Variants in ADGRL3 observed in about 807,000 individuals in gnomAD.
The protein encoded by ADGRL3 is adhesion G protein-coupled receptor L3.
In ADGRL3, 62 loss-of-function variants were observed where a neutral mutation model predicts 153.5. That is an observed-to-expected ratio of 0.40 (90% confidence interval 0.33 to 0.50). The LOEUF is 0.50. Among genes scored for constraint, ADGRL3 ranks in the 20% least tolerant of loss-of-function variants. The pLI is 0.47. For missense variants in ADGRL3, 1,641 were observed against 1,859.4 expected (o/e 0.88, Z 2.16); for synonymous variants, 710 against 672.5 (o/e 1.06, Z -0.86).
In ADGRL3 at chr4:61,551,721, C is replaced by A. The variant is rs73215823; in HGVS notation, c.259+34203C>A. 7.6e-3 allele frequency among the ~76,000 whole-genome samples: 1,150 copies of A among 152,212 alleles called. 11 individuals are homozygous for A. Among genetic ancestry groups the A allele is most frequent in the African/African-American group, 0.027 (1,109 of 41,538 alleles). On this transcript the variant is annotated intron_variant, in intron 4 of 26. Coordinates refer to ENST00000683033, the MANE Select transcript of ADGRL3 (RefSeq NM_001387552.1). ...CATTCATCTCAAACAAACATAGTCA[C>A]AACTGAATTTCTGCAAGGAATCACA...
chr4:61,416,745 G>A (rs2097148919), intron 2 of ADGRL3, among the ~76,000 whole-genome samples: 1 of 152,176 alleles, frequency 6.6e-6, no homozygotes, highest in Admixed American at 6.5e-5. Flanking sequence ...TTTTGTGGAA[G>A]ACAGTTTTTT....
At chr4:61,913,902 C>A (rs1462096629) in intron 13 of ADGRL3, among the ~76,000 whole-genome samples, 1 of 151,972 alleles carries the variant, frequency 6.6e-6, no homozygotes, top group East Asian at 1.9e-4. Context: ...CAGCTATAAT[C>A]ATTTGCTTAA....
At chr4:61,223,626 T>A (rs557029575) in intron 1 of ADGRL3, among the ~76,000 whole-genome samples, 1 of 152,352 alleles carries the variant, frequency 6.6e-6, no homozygotes, top group East Asian at 1.9e-4. Flanking sequence ...ACAACCTATA[T>A]TTGATTTTTA....
intron 8 of ADGRL3, among the ~76,000 whole-genome samples, chr4:61,779,533 C>G (rs1161460961): frequency 8.9e-5 from 13 of 146,362 alleles, no homozygotes; most frequent in African/African-American, 3.0e-4. Context: ...ACTCAGGAGG[C>G]TGATGCACGA....
chr4:61,642,428 G>A (rs1396564773), intron 5 of ADGRL3, among the ~76,000 whole-genome samples: 2 of 152,100 alleles, frequency 1.3e-5, no homozygotes, highest in African/African-American at 2.4e-5. Context: ...TAGGTCCAAG[G>A]TTTAAGTCTT....
chr4:61,978,298 A>G (rs535966077), intron 17 of ADGRL3, among the ~76,000 whole-genome samples: 57 of 151,742 alleles, frequency 3.8e-4, no homozygotes, highest in African/African-American at 1.1e-3. Context: ...TTTTGCAAAA[A>G]TGCTGTCATA....
chr4:61,876,102 G>GTT (rs33949547), intron 9 of ADGRL3, among the ~76,000 whole-genome samples: 7,341 of 151,016 alleles, frequency 0.049, 239 homozygotes, highest in Non-Finnish European at 0.077. Flanking sequence ...TCATCAAATA[G>GTT]TTTTTTTTTC....
At chr4:61,537,283 G>A (rs551691675) in intron 4 of ADGRL3, among the ~76,000 whole-genome samples, 42 of 151,562 alleles carry the variant, frequency 2.8e-4, no homozygotes, top group Non-Finnish European at 6.0e-4. Context: ...CTTAATAAGT[G>A]ATTTACCCTT....
chr4:61,389,591 T>C (rs981714183), intron 2 of ADGRL3, among the ~76,000 whole-genome samples: 2 of 150,574 alleles, frequency 1.3e-5, no homozygotes, highest in African/African-American at 4.9e-5. Context: ...TTTTACCCCT[T>C]TTTTTTATAG....
At position 61,597,826 on chromosome 4, in the gene ADGRL3, T is replaced by A. The variant is rs142823749; in HGVS notation, c.473+10386T>A. On this transcript the variant is annotated intron_variant, in intron 5 of 26. Transcript: ENST00000683033. ...TACTTAGACACTCATTTTTATCTTC[T>A]TTCTCTCTCCAAACCACAAATATCT... Among the ~76,000 whole-genome samples, 631 of 152,210 alleles carry A rather than the reference T, an allele frequency of 4.1e-3. 3 individuals carry two copies. The highest frequency in any genetic ancestry group is 0.015 in the African/African-American group (604 of 41,570).
At chr4:61,764,552 A>G (rs946388258) in intron 8 of ADGRL3, among the ~76,000 whole-genome samples, 2 of 151,612 alleles carry the variant, frequency 1.3e-5, no homozygotes, top group Non-Finnish European at 2.9e-5. Flanking sequence ...GGCCATTTAC[A>G]CTTCTTTTGT....
chr4:61,342,094 C>A (rs2095818801), intron 1 of ADGRL3, among the ~76,000 whole-genome samples: 1 of 151,884 alleles, frequency 6.6e-6, no homozygotes, highest in African/African-American at 2.4e-5. Context: ...CTTTATAATC[C>A]TACTATCTAG....
At chr4:61,487,174 G>A (rs773771720) in intron 2 of ADGRL3, among the ~76,000 whole-genome samples, 3 of 152,100 alleles carry the variant, frequency 2.0e-5, no homozygotes, top group Non-Finnish European at 4.4e-5. Flanking sequence ...TATAGGTGAC[G>A]AGAAGCAGTA....
chr4:61,990,984 G>GTC (rs1282810643), intron 19 of ADGRL3, among the ~76,000 whole-genome samples: 1 of 142,450 alleles, frequency 7.0e-6, no homozygotes, highest in African/African-American at 2.5e-5. Flanking sequence ...GTGTGTGTGT[G>GTC]TGTGTGTACG....
At chr4:61,580,672 C>T (rs2098920896) in intron 4 of ADGRL3, among the ~76,000 whole-genome samples, 1 of 152,014 alleles carries the variant, frequency 6.6e-6, no homozygotes, top group East Asian at 1.9e-4. Context: ...GGAAGGCTTT[C>T]TGGTGGATGG....
At chr4:61,917,649 A>G (rs1407072197) in intron 13 of ADGRL3, among the ~76,000 whole-genome samples, 5 of 148,260 alleles carry the variant, frequency 3.4e-5, no homozygotes, top group African/African-American at 1.3e-4. Flanking sequence ...CCATGCTAGT[A>G]TTTGTGAATT....
intron 1 of ADGRL3, among the ~76,000 whole-genome samples, chr4:61,286,586 A>G (rs1227316847): frequency 6.6e-6 from 1 of 151,736 alleles, no homozygotes; most frequent in Non-Finnish European, 1.5e-5. Context: ...AAATTGGTGA[A>G]TTATATATCA....
intron 1 of ADGRL3, among the ~76,000 whole-genome samples, chr4:61,222,686 G>C (rs897153504): frequency 6.6e-6 from 1 of 152,068 alleles, no homozygotes; most frequent in Non-Finnish European, 1.5e-5. Flanking sequence ...TAAAGAATGA[G>C]GTTCCATATT....
intron 2 of ADGRL3, among the ~76,000 whole-genome samples, chr4:61,439,090 T>A (rs1276012696): frequency 6.6e-6 from 1 of 152,100 alleles, no homozygotes; most frequent in Non-Finnish European, 1.5e-5. Flanking sequence ...GTATATAATA[T>A]TATAGAGCAA....
Sources: allele counts gnomAD v4.1 joint callset (sites outside exome capture counted in the v4.1 genomes callset), GRCh38; gene constraint gnomAD v4.1.1; transcripts MANE v1.5; gene names NCBI Gene and HGNC (gene_info 2026-07-23, HGNC 2026-07-21).